Variants in FMN1 observed in about 807,000 individuals in gnomAD.
FMN1 encodes the protein formin 1, also known as formin-1.
Under a neutral mutation model 132.4 loss-of-function variants are expected in FMN1, and 110 were observed. The ratio of observed to expected loss-of-function variants is 0.83; its 90% CI spans 0.71 to 0.97. The LOEUF (loss-of-function observed/expected upper bound fraction) is 0.97. Among genes scored for constraint, FMN1 ranks in the 50% least tolerant of loss-of-function variants. The pLI, the probability that FMN1 is intolerant of heterozygous loss-of-function variation, is 0.00. For synonymous variants in FMN1, 722 were observed against 651.7 expected (o/e 1.11, Z -1.64); for missense variants, 1,792 against 1,705.3 (o/e 1.05, Z -0.90).
At chr15:32,832,293 G>C (rs1332535859) in intron 17 of FMN1, among the ~76,000 whole-genome samples, 1 of 152,188 alleles carries the variant, frequency 6.6e-6, no homozygotes, top group Non-Finnish European at 1.5e-5. Context: ...TCCAAGTCTA[G>C]GGGTTGTCTG....
At chr15:33,011,921 T>TAC (rs1372302871) in intron 6 of FMN1, among the ~76,000 whole-genome samples, 2 of 152,240 alleles carry the variant, frequency 1.3e-5, no homozygotes, top group African/African-American at 4.8e-5. Context: ...GAAACTTCCA[T>TAC]ACACTTCACT....
At chr15:33,048,666 C>T (rs1264701546) in intron 6 of FMN1, among the ~76,000 whole-genome samples, 1 of 38,006 alleles carries the variant, frequency 2.6e-5, no homozygotes, top group African/African-American at 8.4e-5. Context: ...GTTTAATGGA[C>T]TTACAGTTCC....
At chr15:33,117,523 G>A (rs544062051) in intron 4 of FMN1, among the ~76,000 whole-genome samples, 1 of 152,212 alleles carries the variant, frequency 6.6e-6, no homozygotes, top group African/African-American at 2.4e-5. Context: ...ATATGCTTTT[G>A]GAAAATCTGA....
intron 16 of FMN1, among the ~76,000 whole-genome samples, chr15:32,877,389 G>A (rs1349538495): frequency 6.6e-6 from 1 of 151,958 alleles, no homozygotes; most frequent in Admixed American, 6.6e-5. Flanking sequence ...GAATACCTGA[G>A]ATGCAAGCCT....
intron 16 of FMN1, among the ~76,000 whole-genome samples, chr15:32,869,092 AG>A (rs2059456950): frequency 6.6e-6 from 1 of 152,204 alleles, no homozygotes; most frequent in African/African-American, 2.4e-5. Context: ...AAGAGAATTA[AG>A]GTGAAATGTC....
intron 9 of FMN1, among the ~76,000 whole-genome samples, chr15:32,936,890 G>A (rs150953074): frequency 8.7e-4 from 133 of 152,304 alleles, no homozygotes; most frequent in African/African-American, 3.2e-3. Flanking sequence ...CTGCTGAGCT[G>A]TATTGGCCTC....
intron 17 of FMN1, among the ~76,000 whole-genome samples, chr15:32,806,073 A>G (rs552104571): frequency 1.3e-5 from 2 of 152,166 alleles, no homozygotes; most frequent in African/African-American, 4.8e-5. Flanking sequence ...GAAAAATAGG[A>G]AAGTTGTTAA....
intron 6 of FMN1, chr15:33,012,434 C>A: frequency 1.0e-6 from 1 of 976,104 alleles, no homozygotes; most frequent in Non-Finnish European, 1.6e-6. Flanking sequence ...GTGAAAAAGA[C>A]ATTTGTTGCT....
Position 33,153,641 on chromosome 15 carries a change from A to G in FMN1, c.1274T>C (p.Ile425Thr), listed in dbSNP as rs1964542778. 6.5e-6 allele frequency: 10 copies of G among 1,536,152 alleles called. No individual in the cohort carries two copies. The highest frequency in any genetic ancestry group is 8.7e-6 in the Non-Finnish European group (10 of 1,146,936). ...GGCTTCATCTAACTTCTCACTCTCTATCACCTTCAGGGGGACCTTGTTCAC... is the reference window on the plus strand; with the variant it reads ...GGCTTCATCTAACTTCTCACTCTCTGTCACCTTCAGGGGGACCTTGTTCAC... The part of the protein sequence containing the change: ...GAVNKVPLKV[I>T]ESEKLDEAPE... The change falls in exon 4 of 21, where the codon ATA becomes ACA. Residue 425 changes from isoleucine to threonine, a missense_variant. Transcript: ENST00000616417.
chr15:33,051,306 G>A (rs943968242), intron 6 of FMN1, among the ~76,000 whole-genome samples: 3 of 152,068 alleles, frequency 2.0e-5, no homozygotes, highest in Non-Finnish European at 4.4e-5. Context: ...ATTATGGCTG[G>A]GCTGAAAGAA....
intron 16 of FMN1, among the ~76,000 whole-genome samples, chr15:32,863,452 A>C (rs1278763274): frequency 6.6e-6 from 1 of 152,118 alleles, no homozygotes; most frequent in East Asian, 1.9e-4. Context: ...TAAATAAATA[A>C]AATAAAATAA....
At chr15:32,987,437 G>C (rs2140826241) in intron 7 of FMN1, among the ~76,000 whole-genome samples, 1 of 152,190 alleles carries the variant, frequency 6.6e-6, no homozygotes, top group African/African-American at 2.4e-5. Flanking sequence ...TAGATCACTA[G>C]GAATTTCAAC....
chr15:33,013,320 G>A (rs2034842268), intron 6 of FMN1, among the ~76,000 whole-genome samples: 1 of 152,146 alleles, frequency 6.6e-6, no homozygotes, highest in African/African-American at 2.4e-5. Flanking sequence ...CCAGCCAAGG[G>A]TTTTAATACA....
At chr15:32,881,637 C>T (rs1454754942) in intron 16 of FMN1, among the ~76,000 whole-genome samples, 1 of 152,080 alleles carries the variant, frequency 6.6e-6, no homozygotes, top group Non-Finnish European at 1.5e-5. Context: ...AAAATTTTCA[C>T]CCTCATGACA....
chr15:32,961,686 T>C (rs1332947955), intron 9 of FMN1, among the ~76,000 whole-genome samples: 5 of 152,190 alleles, frequency 3.3e-5, no homozygotes, highest in East Asian at 3.9e-4. Context: ...CCAGGCACTA[T>C]GCTGAGCCTG....
At chr15:33,083,091 A>G (rs1016807380) in intron 5 of FMN1, among the ~76,000 whole-genome samples, 1 of 152,158 alleles carries the variant, frequency 6.6e-6, no homozygotes, top group African/African-American at 2.4e-5. Context: ...CATCTACACC[A>G]AAGTACCAGT....
intron 6 of FMN1, among the ~76,000 whole-genome samples, chr15:33,023,188 G>A (rs1288799946): frequency 1.3e-5 from 2 of 149,894 alleles, no homozygotes; most frequent in African/African-American, 2.5e-5. Context: ...TTATAAGAGC[G>A]ACTTAGTCTG....
At chr15:32,854,914 C>CA (rs202139764) in intron 17 of FMN1, among the ~76,000 whole-genome samples, 22,892 of 132,680 alleles carry the variant, frequency 0.17, 1,942 homozygotes, top group East Asian at 0.33. Flanking sequence ...AACTCCACCT[C>CA]AAAAAAAAAA....
rs112722321 is a variant in FMN1, at chr15:32,771,203, C to G, written c.*3107G>C. On this transcript the variant is annotated 3_prime_UTR_variant, in exon 21 of 21. Coordinates refer to ENST00000616417, the MANE Select transcript of FMN1 (RefSeq NM_001277313.2). ...ACGCCATTCTCCTGCCTCAGCCTCC[C>G]GAGTAGCTGGGACTACAGGCGCCCA... 2 of 151,614 alleles carry G rather than the reference C, an allele frequency of 1.3e-5. No homozygotes were observed. 9.4% of individuals were successfully genotyped at this position (151,614 alleles called of 1,614,324 possible).
Sources: gnomAD v4.1 joint callset for allele counts (sites outside exome capture counted in the v4.1 genomes callset) on GRCh38, gnomAD v4.1.1 for gene constraint, MANE v1.5 for transcripts, NCBI Gene and HGNC (gene_info 2026-07-23, HGNC 2026-07-21) for gene names.